The following PI4K2B variants were observed in gnomAD, a reference collection of about 807,000 sequenced individuals.
PI4K2B encodes phosphatidylinositol 4-kinase type 2-beta.
Under a neutral mutation model 56.6 loss-of-function variants are expected in PI4K2B, and 46 were observed. That is an observed-to-expected ratio of 0.81 (90% CI 0.64 to 1.04). The LOEUF (loss-of-function observed/expected upper bound fraction) is 1.04. PI4K2B is among the 50% of genes least tolerant of loss of function. PI4K2B has a pLI of 0.00. For missense variants in PI4K2B, 556 were observed against 607.7 expected (o/e 0.91, Z 0.89); for synonymous variants, 211 against 223.8 (o/e 0.94, Z 0.51).
At chr4:25,241,440 A>C (rs1042827564) in intron 1 of PI4K2B, among the ~76,000 whole-genome samples, 1 of 152,188 alleles carries the variant, frequency 6.6e-6, no homozygotes, top group Non-Finnish European at 1.5e-5. Context: ...TCTGGACTAT[A>C]ATTTGTTGGC....
intron 7 of PI4K2B, among the ~76,000 whole-genome samples, chr4:25,266,537 T>C (rs1386481048): frequency 6.6e-6 from 1 of 152,248 alleles, no homozygotes; most frequent in East Asian, 1.9e-4. Flanking sequence ...TCTTTTTTGC[T>C]TGTCCTGTCT....
rs755914963 is a variant in PI4K2B at position 25,269,148 on chromosome 4, A to G, written c.1217A>G (p.Asp406Gly). 7 of 1,563,494 alleles carry G rather than the reference A, an allele frequency of 4.5e-6. No individual in the cohort carries two copies. Among genetic ancestry groups the G allele is most frequent in the Non-Finnish European group, 5.3e-6 (6 of 1,135,648 alleles). The change falls in exon 9 of 10, where the codon GAC becomes GGC. Residue 406 changes from aspartate (D) to glycine (G), a missense_variant. Asp to Gly is a moderately conservative substitution (Grantham distance 94, BLOSUM62 -1). Coordinates refer to ENST00000264864, the MANE Select transcript of PI4K2B (RefSeq NM_018323.4). ...TTTTTTTCCTTTCTATAATAGACTG[A>G]CAAAGGATTTGACAAAGCCACTTTT... ...CEDLYELFKTDKGFDKATFES... is the reference protein window; with the variant it reads ...CEDLYELFKTGKGFDKATFES...
rs1171107424 is a variant in PI4K2B, at chr4:25,234,364, G to T, written c.201G>T (p.Pro67=). ...CCGGCGACGAGGAGCTGCCCCTCCC[G>T]CCCGGGGACGTGGGGGTCTCCCGGA... ...GEAGDEELPL[P]PGDVGVSRSS... is the part of the protein sequence containing the mutation. Residue 67 remains proline, a synonymous_variant, in exon 1 of 10, where the codon CCG becomes CCT. Coordinates refer to ENST00000264864, the MANE Select transcript of PI4K2B (RefSeq NM_018323.4). The T allele has an allele frequency of 1.1e-5, 16 of 1,408,188 alleles. No homozygotes were observed. The East Asian group carries it at 1.5e-4, about 13-fold the overall frequency. The allele number at this position is 1,408,188 out of a possible 1,614,324, so 87.2% of individuals were successfully genotyped here. A position where few individuals can be genotyped will look rare whatever the true frequency, so the allele number is the denominator to read the frequency against.
intron 4 of PI4K2B, among the ~76,000 whole-genome samples, chr4:25,257,686 A>C (rs1262125611): frequency 6.6e-6 from 1 of 152,226 alleles, no homozygotes; most frequent in East Asian, 1.9e-4. Context: ...ACATTTATCT[A>C]GATAAAAAGA....
intron 1 of PI4K2B, among the ~76,000 whole-genome samples, chr4:25,247,777 C>T (rs1715854665): frequency 6.6e-6 from 1 of 152,144 alleles, no homozygotes; most frequent in Non-Finnish European, 1.5e-5. Flanking sequence ...GATCACGGCT[C>T]ACTGCTGCCT....
intron 2 of PI4K2B, 31 bp from the exon 3 acceptor site, chr4:25,255,034 G>A: frequency 7.0e-7 from 1 of 1,428,416 alleles, no homozygotes; most frequent in Non-Finnish European, 9.8e-7. Flanking sequence ...TATGTAAAAA[G>A]TCTAATAAGA....
chr4:25,235,846 G>T (rs1186257256), intron 1 of PI4K2B, among the ~76,000 whole-genome samples: 1 of 152,016 alleles, frequency 6.6e-6, no homozygotes, highest in Non-Finnish European at 1.5e-5. Context: ...ACAGTATTAA[G>T]GCTAGAAAAA....
intron 1 of PI4K2B, 48 bp downstream of exon 1, chr4:25,234,479 C>T (rs62411601): frequency 0.092 from 111,380 of 1,210,170 alleles, 5,748 homozygotes; most frequent in Non-Finnish European, 0.1. Flanking sequence ...GGGCGGCTGC[C>T]CCTGTCGCCC....
chr4:25,276,329 C>T, intron 9 of PI4K2B: 1 of 383,810 alleles, frequency 2.6e-6, no homozygotes, highest in Non-Finnish European at 3.6e-6. Context: ...TTTACTTTCC[C>T]TAATTTTATT....
chr4:25,249,331 C>G (rs1295929172), intron 1 of PI4K2B, among the ~76,000 whole-genome samples: 1 of 152,174 alleles, frequency 6.6e-6, no homozygotes, highest in African/African-American at 2.4e-5. Context: ...TTGGGTACAC[C>G]TCCCAGACAG....
chr4:25,257,340 G>A (rs917743830), intron 4 of PI4K2B, among the ~76,000 whole-genome samples: 2 of 152,114 alleles, frequency 1.3e-5, no homozygotes, highest in Admixed American at 6.5e-5. Context: ...GGGATTACAG[G>A]TGTTAGCCGC....
At chr4:25,260,627 TATATATATATATATACACACACACAC>T (rs759697560) in intron 6 of PI4K2B, 36 bp downstream of exon 6, 1 of 278,738 alleles carries the variant, frequency 3.6e-6, no homozygotes. Flanking sequence ...TATATATATA[TATATATATATATATACACACACACAC>T]ACACACACAC....
At chr4:25,238,613 G>A (rs185045189) in intron 1 of PI4K2B, among the ~76,000 whole-genome samples, 3 of 152,212 alleles carry the variant, frequency 2.0e-5, no homozygotes, top group African/African-American at 4.8e-5. Flanking sequence ...CAGGAGTGAA[G>A]CTGCGACCTT....
chr4:25,265,722 C>T (rs957359606), intron 7 of PI4K2B, among the ~76,000 whole-genome samples: 66 of 152,102 alleles, frequency 4.3e-4, no homozygotes, highest in African/African-American at 1.5e-3. Flanking sequence ...GCATTGTGAT[C>T]TGTGAATATG....
At chr4:25,235,756 CT>C (rs1715235503) in intron 1 of PI4K2B, among the ~76,000 whole-genome samples, 1 of 152,146 alleles carries the variant, frequency 6.6e-6, no homozygotes, top group Admixed American at 6.5e-5. Flanking sequence ...TGTAAGCTAC[CT>C]TGTGTACCTG....
intron 7 of PI4K2B, among the ~76,000 whole-genome samples, chr4:25,267,095 T>C (rs114620202): frequency 0.011 from 1,627 of 152,226 alleles, 35 homozygotes; most frequent in African/African-American, 0.037. Context: ...AAGGAGATGA[T>C]AGAAAACAGT....
rs313567 is a variant in PI4K2B at position 25,252,373 on chromosome 4, C to T, written c.321C>T (p.Ala107=). The T allele has an allele frequency of 0.83, 1,341,890 of 1,607,196 alleles. 561,157 individuals carry two copies. The highest frequency in any genetic ancestry group is 0.84 in the Non-Finnish European group (988,513 of 1,173,844). ...CATTCTTGGATGACCCAGAATTTGC[C>T]GATATTATGCTGAGAGCAGAGCAAG... is the stretch of plus-strand genomic sequence containing the variant. ...MNAFLDDPEF[A]DIMLRAEQAI... Residue 107 remains alanine (A), a synonymous_variant, in exon 2 of 10, where the codon GCC becomes GCT. Coordinates refer to ENST00000264864, the MANE Select transcript of PI4K2B (RefSeq NM_018323.4).
intron 9 of PI4K2B, among the ~76,000 whole-genome samples, chr4:25,274,194 T>C (rs1717016711): frequency 6.6e-6 from 1 of 152,194 alleles, no homozygotes; most frequent in African/African-American, 2.4e-5. Flanking sequence ...TGGTTTGATG[T>C]ATATAGTGCA....
At chr4:25,247,780 T>C (rs1486908168) in intron 1 of PI4K2B, among the ~76,000 whole-genome samples, 1 of 152,172 alleles carries the variant, frequency 6.6e-6, no homozygotes, top group Non-Finnish European at 1.5e-5. Flanking sequence ...CACGGCTCAC[T>C]GCTGCCTTGA....
Sources: gnomAD v4.1 joint callset for allele counts (sites outside exome capture counted in the v4.1 genomes callset) on GRCh38, gnomAD v4.1.1 for gene constraint, MANE v1.5 for transcripts, NCBI Gene and HGNC (gene_info 2026-07-23, HGNC 2026-07-21) for gene names.